The following KIAA1549 variants were observed in gnomAD, a reference collection of about 807,000 sequenced individuals.
KIAA1549 encodes the protein KIAA1549, also known as UPF0606 protein KIAA1549.
A neutral mutation model predicts 156.4 loss-of-function variants in KIAA1549; 70 were observed. That is an observed-to-expected ratio of 0.45 (90% CI 0.37 to 0.55). The LOEUF (loss-of-function observed/expected upper bound fraction) is 0.55, where lower values mean the gene tolerates loss of function less well. Among genes scored for constraint, KIAA1549 ranks in the 20% least tolerant of loss-of-function variants. The probability of loss-of-function intolerance (pLI) is 0.00; values close to 1 mark genes in which losing one functional copy is unlikely to be tolerated. For missense variants in KIAA1549, 2,428 were observed against 2,540.9 expected, an observed-to-expected ratio of 0.96 and a Z score of 0.96; for synonymous variants, 1,103 against 1,066.4, an observed-to-expected ratio of 1.03 and a Z score of -0.67.
chr7:138,912,330 C>G (rs1199399881), intron 3 of KIAA1549, 42 bp downstream of exon 3: 22 of 1,460,876 alleles, frequency 1.5e-5, no homozygotes, highest in African/African-American at 2.8e-5. Context: ...ACATCAGCCC[C>G]AGTCTCACCA....
chr7:138,869,774 G>T lies in KIAA1549; in HGVS notation c.4552-13C>A. 1 of 1,600,100 alleles carries T rather than the reference G, an allele frequency of 6.2e-7. No individual in the cohort carries two copies. Among genetic ancestry groups the T allele is most frequent in the Non-Finnish European group, 8.5e-7 (1 of 1,173,808 alleles). On this transcript the variant is annotated splice_polypyrimidine_tract_variant and intron_variant, in intron 13 of 19. Transcript: ENST00000422774. ...GCGCGGTCTGAATCTGAGGAAGGGTGAGGGAGAGAAAGACAGCCATAGAGG... is the reference window on the plus strand; with the variant it reads ...GCGCGGTCTGAATCTGAGGAAGGGTTAGGGAGAGAAAGACAGCCATAGAGG...
At chr7:138,963,651 C>T (rs1234766746) in intron 1 of KIAA1549, among the ~76,000 whole-genome samples, 2 of 152,154 alleles carry the variant, frequency 1.3e-5, no homozygotes, top group East Asian at 1.9e-4. Flanking sequence ...ATAAAACAAA[C>T]GAAGTAGGAC....
intron 14 of KIAA1549, among the ~76,000 whole-genome samples, chr7:138,868,721 C>T (rs1370005102): frequency 6.6e-6 from 1 of 152,244 alleles, no homozygotes; most frequent in African/African-American, 2.4e-5. Context: ...GCGTGAGCCA[C>T]CACGCCTGGC....
At chr7:138,876,029 T>C (rs1811075616) in intron 12 of KIAA1549, among the ~76,000 whole-genome samples, 1 of 151,944 alleles carries the variant, frequency 6.6e-6, no homozygotes, top group Admixed American at 6.6e-5. Flanking sequence ...AAACCACATC[T>C]TTACTAATGT....
rs1810110655 is a variant in KIAA1549 at position 138,847,422 on chromosome 7, C to T, written c.5295-2948G>A. Among the ~76,000 whole-genome samples, 3 of 152,264 alleles carry T rather than the reference C, an allele frequency of 2.0e-5. No individual in the cohort carries two copies. In the East Asian group the frequency reaches 5.8e-4, roughly 29 times the overall value. On this transcript the variant is annotated intron_variant, in intron 17 of 19. Transcript: ENST00000422774. ...GGGCGGAGAAAAGCAAAGCAAACCC[C>T]TCTGAAAATGATGATGGTTTAAAAA...
intron 16 of KIAA1549, among the ~76,000 whole-genome samples, chr7:138,856,990 C>A (rs941329288): frequency 1.3e-5 from 2 of 152,320 alleles, no homozygotes; most frequent in African/African-American, 4.8e-5. Context: ...CTCTGACTGA[C>A]TGCATGAGCT....
chr7:138,969,805 C>G (rs960499758), intron 1 of KIAA1549, among the ~76,000 whole-genome samples: 2 of 152,124 alleles, frequency 1.3e-5, no homozygotes, highest in African/African-American at 4.8e-5. Flanking sequence ...GTTGGCCAGG[C>G]TTGTCTGGAA....
intron 2 of KIAA1549, among the ~76,000 whole-genome samples, chr7:138,913,512 T>C (rs1812226760): frequency 1.3e-5 from 2 of 152,214 alleles, no homozygotes; most frequent in Non-Finnish European, 2.9e-5. Context: ...CAACTTCCCA[T>C]AATGCAGAAT....
chr7:138,918,772 G>A lies in KIAA1549; in HGVS notation c.854C>T (p.Ser285Phe), dbSNP rs769867741. The A allele has an allele frequency of 1.2e-6, 2 of 1,613,876 alleles. No individual in the cohort carries two copies. ...EGVETTLFLS[S>F]RSLMPQPLGD... ...TAACGGCTGTGGCATTAAAGACCGG[G>A]AGCTTAAAAAAAGGGTGGTTTCCAC... is the stretch of plus-strand genomic sequence containing the variant. Residue 285 changes from serine to phenylalanine, a missense_variant, in exon 2 of 20, where the codon TCC becomes TTC. Transcript: ENST00000422774. This position sits in a 1 kb window ranked among gnomAD's most constrained non-coding sequence, Gnocchi z 4.2.
In KIAA1549 at chr7:138,918,381, G is replaced by T; in HGVS notation, c.1245C>A (p.Phe415Leu). 6.2e-7 allele frequency: 1 copy of T among 1,613,978 alleles called. No individual in the cohort carries two copies. The highest frequency in any genetic ancestry group is 8.5e-7 in the Non-Finnish European group (1 of 1,179,886). Residue 415 changes from phenylalanine (F) to leucine (L), a missense_variant, in exon 2 of 20, where the codon TTC becomes TTA. Physicochemically the swap from Phe to Leu is conservative, Grantham distance 22. Around this residue, in one of 5 missense-constraint regions of KIAA1549, gnomAD observed 893 missense variants for 847.9 expected, o/e 1.05. Transcript: ENST00000422774. The surrounding 1 kb of genome is among the most constrained non-coding windows in gnomAD (Gnocchi z 4.2). ...NTHILSPVSS[F>L]RPYTWCAACT... ...AGGCCGCACACCAAGTGTATGGTCTGAATGAGGACACCGGGCTCAGGATAT... is the reference window on the plus strand; with the variant it reads ...AGGCCGCACACCAAGTGTATGGTCTTAATGAGGACACCGGGCTCAGGATAT...
chr7:138,929,859 T>G (rs1178788330), intron 1 of KIAA1549, among the ~76,000 whole-genome samples: 1 of 152,210 alleles, frequency 6.6e-6, no homozygotes, highest in Admixed American at 6.5e-5. Context: ...CCCAGCTATT[T>G]ATTTTATCTT....
chr7:138,898,435 A>G (rs1224228339), intron 9 of KIAA1549, among the ~76,000 whole-genome samples: 2 of 152,100 alleles, frequency 1.3e-5, no homozygotes, highest in Non-Finnish European at 2.9e-5. Flanking sequence ...CTCTGTCTAC[A>G]CTGTGGAGTG....
chr7:138,869,636 CT>C lies in KIAA1549; in HGVS notation c.4676del (p.Lys1559ArgfsTer29). The C allele has an allele frequency of 6.2e-7, 1 of 1,610,964 alleles. No homozygotes were observed. The highest frequency in any genetic ancestry group is 2.1e-4 in the Middle Eastern group (1 of 4,814). On this transcript the variant is annotated frameshift_variant, in exon 14 of 20. Coordinates refer to ENST00000422774, the MANE Select transcript of KIAA1549 (RefSeq NM_001164665.2). LOFTEE classifies it high-confidence loss of function. ...CCCTGCGGTACACCCGGTGTCGCTC[CT>C]TAGTGTCGCCCGAGGACAGGTCGTC... ...VVDDLSSGDTKERHRVYRRAQ... is the reference protein window; with the variant it reads ...VVDDLSSGDTXERHRVYRRAQ...
At chr7:138,962,510 G>A (rs894652298) in intron 1 of KIAA1549, among the ~76,000 whole-genome samples, 11 of 152,170 alleles carry the variant, frequency 7.2e-5, no homozygotes, top group African/African-American at 2.7e-4. Context: ...GCTAGCTCCT[G>A]CTTCATTCCC....
At chr7:138,863,132 T>C (rs1810636599) in intron 15 of KIAA1549, among the ~76,000 whole-genome samples, 1 of 151,892 alleles carries the variant, frequency 6.6e-6, no homozygotes, top group Admixed American at 6.6e-5. Context: ...TCCTTTCTGG[T>C]CTTACAGGCT....
At position 138,963,402 on chromosome 7, in the gene KIAA1549, T is replaced by C. The variant is rs1215141973; in HGVS notation, c.187+17681A>G. Among the ~76,000 whole-genome samples, 3 of 152,320 alleles carry C rather than the reference T, an allele frequency of 2.0e-5. No homozygotes were observed. The East Asian group carries it at 5.8e-4, about 29-fold the overall frequency. On this transcript the variant is annotated intron_variant, in intron 1 of 19. Transcript: ENST00000422774. The stretch of plus-strand genomic sequence containing the variant: ...ACCCAGCCTGATAGGGTACACATTC[T>C]ACAGGTATATCTTGTTTTCCTCTCG...
intron 13 of KIAA1549, among the ~76,000 whole-genome samples, chr7:138,870,444 C>A (rs1034127105): frequency 6.6e-6 from 1 of 152,188 alleles, no homozygotes; most frequent in Non-Finnish European, 1.5e-5. Context: ...CTTTAGAGAT[C>A]TTTAATAAAT....
chr7:138,898,255 C>T (rs1811744653), intron 9 of KIAA1549, among the ~76,000 whole-genome samples: 1 of 143,780 alleles, frequency 7.0e-6, no homozygotes, highest in African/African-American at 2.6e-5. Context: ...TGCAGTGAGC[C>T]GAGATCACAC....
intron 1 of KIAA1549, among the ~76,000 whole-genome samples, chr7:138,923,163 C>G (rs1306653876): frequency 6.6e-6 from 1 of 152,116 alleles, no homozygotes; most frequent in East Asian, 1.9e-4. Context: ...GGTGAATAAC[C>G]AGGAAAAATC....
Sources: allele counts gnomAD v4.1 joint callset (sites outside exome capture counted in the v4.1 genomes callset), GRCh38; gene constraint gnomAD v4.1.1; regional missense constraint gnomAD v4.1.1; non-coding constraint Gnocchi (gnomAD v3.1); transcripts MANE v1.5; gene names NCBI Gene and HGNC (gene_info 2026-07-23, HGNC 2026-07-21).